Variants in CFAP221 observed in about 807,000 individuals in gnomAD.
CFAP221 encodes cilia and flagella associated protein 221.
In CFAP221, 97 loss-of-function variants were observed where a neutral mutation model predicts 113.1. The ratio of observed to expected loss-of-function variants is 0.86; its 90% CI spans 0.73 to 1.02. The LOEUF is 1.02. CFAP221 is among the 50% of genes least tolerant of loss of function. The pLI, the probability that CFAP221 is intolerant of heterozygous loss-of-function variation, is 0.00. For synonymous variants in CFAP221, 331 were observed against 354.4 expected, an observed-to-expected ratio of 0.93 and a Z score of 0.74; for missense variants, 1,025 against 1,013.4, an observed-to-expected ratio of 1.01 and a Z score of -0.16.
In CFAP221 at chr2:119,608,370, C is replaced by T. The variant is rs1684917539; in HGVS notation, c.1134-132C>T. On this transcript the variant is annotated intron_variant, in intron 11 of 23. Transcript: ENST00000413369. ...TTGCTGAAGCCTCTATAACTAACTT[C>T]TCTATCCCATGTGTCTCCTCCAGCA... 4 of 585,386 alleles carry T rather than the reference C, an allele frequency of 6.8e-6. No individual in the cohort carries two copies. The East Asian group carries it at 8.1e-5, about 12-fold the overall frequency. The allele number at this position is 585,386 out of a possible 1,614,324, so 36.3% of individuals were successfully genotyped here.
At position 119,656,542 on chromosome 2, in the gene CFAP221, G is replaced by A; in HGVS notation, c.*72G>A. Reference sequence around the variant, plus strand: ...TGTGGCCCCTTGCGTCCATTTACATGCCAGCCATCTCTGCAATTAAAGTTT... The same window carrying A: ...TGTGGCCCCTTGCGTCCATTTACATACCAGCCATCTCTGCAATTAAAGTTT... On this transcript the variant is annotated 3_prime_UTR_variant, in exon 24 of 24. Transcript: ENST00000413369. The A allele has an allele frequency of 1.0e-6, 1 of 971,226 alleles. No individual in the cohort carries two copies. The allele number at this position is 971,226 out of a possible 1,614,324, so 60.2% of individuals were successfully genotyped here. A position where few individuals can be genotyped will look rare whatever the true frequency, so the allele number is the denominator to read the frequency against.
At chr2:119,649,856 C>A (rs944618993) in intron 22 of CFAP221, among the ~76,000 whole-genome samples, 11 of 152,160 alleles carry the variant, frequency 7.2e-5, no homozygotes, top group African/African-American at 2.7e-4. Flanking sequence ...TGACCGAGGC[C>A]ATCTGAGGAC....
Position 119,589,650 on chromosome 2 carries a change from G to A in CFAP221, c.631+2428G>A, listed in dbSNP as rs2001656. On this transcript the variant is annotated intron_variant, in intron 7 of 23. Transcript: ENST00000413369. ...GCACACCTTCCAGGCATTTTATGCT[G>A]AAGTTTGCCAAATGAAAAAACAATT... is the stretch of plus-strand genomic sequence containing the variant. 11 of 152,190 alleles carry A rather than the reference G, an allele frequency of 7.2e-5. No homozygotes were observed. In the East Asian group the frequency reaches 1.3e-3, roughly 19 times the overall value. The allele number at this position is 152,190 out of a possible 1,614,324, so 9.4% of individuals were successfully genotyped here.
At position 119,603,157 on chromosome 2, in the gene CFAP221, G is replaced by A. The variant is rs2293127; in HGVS notation, c.792-1515G>A. 1.3e-3 allele frequency among the ~76,000 whole-genome samples: 197 copies of A among 152,338 alleles called. 6 individuals carry two copies. The East Asian group carries it at 0.035, about 27-fold the overall frequency. On this transcript the variant is annotated intron_variant, in intron 8 of 23. Coordinates refer to ENST00000413369, the MANE Select transcript of CFAP221 (RefSeq NM_001271049.2). ...TGCTTTCTTCATTTCATTATAGGGTGTGTGATAGACTTACTCATGTCTAAA... is the reference window on the plus strand; with the variant it reads ...TGCTTTCTTCATTTCATTATAGGGTATGTGATAGACTTACTCATGTCTAAA...
At chr2:119,625,822 C>G in intron 15 of CFAP221, 134 bp downstream of exon 15, 1 of 677,548 alleles carries the variant, frequency 1.5e-6, no homozygotes. Context: ...CCTATCCTTG[C>G]TATAACAAAT....
At chr2:119,619,092 G>A (rs1685715048) in intron 14 of CFAP221, among the ~76,000 whole-genome samples, 1 of 152,222 alleles carries the variant, frequency 6.6e-6, no homozygotes, top group Non-Finnish European at 1.5e-5. Context: ...CCCAGTCAGG[G>A]CCTTACAGAT....
chr2:119,617,388 A>C (rs1685600855), intron 14 of CFAP221, among the ~76,000 whole-genome samples: 1 of 152,238 alleles, frequency 6.6e-6, no homozygotes, highest in South Asian at 2.1e-4. Flanking sequence ...CAGGGAGCAC[A>C]GTGGTAAGAA....
intron 4 of CFAP221, 71 bp downstream of exon 4, chr2:119,559,846 G>A: frequency 6.8e-7 from 1 of 1,470,664 alleles, no homozygotes; most frequent in Non-Finnish European, 9.2e-7. Flanking sequence ...TGGGGTGGGG[G>A]GTGTGTGGTG....
At chr2:119,544,938 T>C (rs1415205105) in intron 1 of CFAP221, among the ~76,000 whole-genome samples, 1 of 151,270 alleles carries the variant, frequency 6.6e-6, no homozygotes, top group East Asian at 2.0e-4. Flanking sequence ...GGAGACGGGC[T>C]GCAGGCTGAT....
intron 14 of CFAP221, among the ~76,000 whole-genome samples, chr2:119,625,243 C>T (rs1201477468): frequency 1.3e-5 from 2 of 152,164 alleles, no homozygotes; most frequent in Non-Finnish European, 2.9e-5. Context: ...GAAAATAGCA[C>T]AGTGGTAGCA....
rs1358177996 is a variant in CFAP221 at position 119,562,038 on chromosome 2, A to G, written c.451A>G (p.Ile151Val). The change falls in exon 6 of 24, where the codon ATT becomes GTT. Residue 151 changes from isoleucine to valine, a missense_variant. Physicochemically the swap from Ile to Val is conservative, Grantham distance 29. Coordinates refer to ENST00000413369, the MANE Select transcript of CFAP221 (RefSeq NM_001271049.2). Reference sequence around the variant, plus strand: ...GGGAGATGACACTTTGCTTGTTCCTATTCATGCCTATCCAGTCATGAACTC... The same window carrying G: ...GGGAGATGACACTTTGCTTGTTCCTGTTCATGCCTATCCAGTCATGAACTC... ...CKGDDTLLVP[I>V]HAYPVMNSLD... The G allele has an allele frequency of 1.6e-5, 25 of 1,534,802 alleles. No homozygotes were observed. Among genetic ancestry groups the G allele is most frequent in the Middle Eastern group, 3.3e-4 (2 of 6,004 alleles).
At chr2:119,620,469 C>T (rs914376269) in intron 14 of CFAP221, among the ~76,000 whole-genome samples, 1 of 152,174 alleles carries the variant, frequency 6.6e-6, no homozygotes, top group African/African-American at 2.4e-5. Context: ...TTTCAACCCA[C>T]AATTTCATAT....
chr2:119,641,648 C>A (rs1435918322), intron 21 of CFAP221, among the ~76,000 whole-genome samples: 2 of 152,194 alleles, frequency 1.3e-5, no homozygotes, highest in Non-Finnish European at 2.9e-5. Flanking sequence ...GTGCAATGAT[C>A]TTGTGAAGCA....
At chr2:119,605,374 G>A in intron 11 of CFAP221, 85 bp downstream of exon 11, 2 of 1,068,408 alleles carry the variant, frequency 1.9e-6, no homozygotes, top group South Asian at 2.9e-5. Flanking sequence ...ACAGTAAAAT[G>A]TAATAACCTT....
chr2:119,561,027 G>C lies in CFAP221; in HGVS notation c.427-987G>C, dbSNP rs540166202. The stretch of plus-strand genomic sequence containing the variant: ...AAAATGGCCAGGCGCGATGGCTCAT[G>C]TGTGTAATCCCTGCACTTTGGGAGG... On this transcript the variant is annotated intron_variant, in intron 5 of 23. Coordinates refer to ENST00000413369, the MANE Select transcript of CFAP221 (RefSeq NM_001271049.2). Among the ~76,000 whole-genome samples the C allele has an allele frequency of 5.3e-5, 8 of 152,192 alleles. No homozygotes were observed. In the South Asian group the frequency reaches 1.7e-3, roughly 32 times the overall value.
intron 6 of CFAP221, among the ~76,000 whole-genome samples, chr2:119,571,594 A>G (rs994423007): frequency 6.6e-6 from 1 of 152,076 alleles, no homozygotes; most frequent in Non-Finnish European, 1.5e-5. Context: ...AGCTTGGACC[A>G]CAGACATGCA....
intron 6 of CFAP221, among the ~76,000 whole-genome samples, chr2:119,576,737 A>T (rs1682475793): frequency 6.6e-6 from 1 of 152,222 alleles, no homozygotes; most frequent in Admixed American, 6.5e-5. Context: ...GTTCAAAAGA[A>T]CATAAATTAT....
At chr2:119,647,534 C>T (rs1687884483) in intron 22 of CFAP221, among the ~76,000 whole-genome samples, 1 of 152,160 alleles carries the variant, frequency 6.6e-6, no homozygotes, top group Non-Finnish European at 1.5e-5. Context: ...AATGGGAAAC[C>T]TGAGCCAAGC....
intron 6 of CFAP221, among the ~76,000 whole-genome samples, chr2:119,570,506 C>A (rs1337761401): frequency 6.6e-6 from 1 of 152,174 alleles, no homozygotes; most frequent in African/African-American, 2.4e-5. Flanking sequence ...CAAAAAAACC[C>A]ATACCAACAC....
Sources: allele counts gnomAD v4.1 joint callset (sites outside exome capture counted in the v4.1 genomes callset), GRCh38; gene constraint gnomAD v4.1.1; transcripts MANE v1.5; gene names NCBI Gene and HGNC (gene_info 2026-07-23, HGNC 2026-07-21).